GDAP1: variants seen among roughly 807,000 people sequenced by gnomAD.
GDAP1 encodes ganglioside induced differentiation associated protein 1, also known as ganglioside-induced differentiation-associated protein 1.
In GDAP1, 34 loss-of-function variants were observed where a neutral mutation model predicts 40.1. The ratio of observed to expected loss-of-function variants is 0.85; its 90% confidence interval spans 0.64 to 1.13. The LOEUF (loss-of-function observed/expected upper bound fraction) is 1.13. Among genes scored for constraint, GDAP1 ranks in the 50% most tolerant of loss-of-function variants. GDAP1 has a pLI of 0.00. For synonymous variants in GDAP1, 170 were observed against 157.4 expected, an observed-to-expected ratio of 1.08 and a Z score of -0.60; for missense variants, 374 against 433.7, an observed-to-expected ratio of 0.86 and a Z score of 1.22.
intron 2 of GDAP1, among the ~76,000 whole-genome samples, chr8:74,450,204 T>C (rs1050882062): frequency 6.6e-6 from 1 of 151,802 alleles, no homozygotes; most frequent in Non-Finnish European, 1.5e-5. Flanking sequence ...TAACGTGTTC[T>C]GTAAGATTTT....
chr8:74,456,956 C>T (rs1424286030), intron 2 of GDAP1, among the ~76,000 whole-genome samples: 1 of 151,984 alleles, frequency 6.6e-6, no homozygotes, highest in Non-Finnish European at 1.5e-5. Context: ...TTCCTTTAGC[C>T]AACTCCAGGA....
intron 2 of GDAP1, among the ~76,000 whole-genome samples, chr8:74,437,076 G>C (rs1270262215): frequency 6.6e-6 from 1 of 152,078 alleles, no homozygotes; most frequent in Non-Finnish European, 1.5e-5. Flanking sequence ...CAAACACAGA[G>C]GTGAACAACT....
chr8:74,351,025 A>AG (rs1296174061), intron 1 of GDAP1, among the ~76,000 whole-genome samples: 1 of 152,144 alleles, frequency 6.6e-6, no homozygotes, highest in Non-Finnish European at 1.5e-5. Flanking sequence ...AGAAAGTGGT[A>AG]GTGATGAGGA....
chr8:74,351,497 A>C (rs1263798170), intron 2 of GDAP1, 31 bp downstream of exon 2: 1 of 1,461,710 alleles, frequency 6.8e-7, no homozygotes, highest in Admixed American at 1.7e-5. Context: ...GATTTCTTGG[A>C]TTTACTTTCA....
chr8:74,434,091 T>G (rs1476520630), intron 2 of GDAP1, among the ~76,000 whole-genome samples: 1 of 152,184 alleles, frequency 6.6e-6, no homozygotes, highest in African/African-American at 2.4e-5. Flanking sequence ...ACTGAGTCAT[T>G]CTAGCAAATT....
intron 2 of GDAP1, among the ~76,000 whole-genome samples, chr8:74,446,246 G>A (rs1806225050): frequency 6.6e-6 from 1 of 152,124 alleles, no homozygotes; most frequent in Non-Finnish European, 1.5e-5. Flanking sequence ...TAAATAGCAT[G>A]GAAAAAGCCC....
chr8:74,444,144 A>G (rs1176349404), intron 2 of GDAP1, among the ~76,000 whole-genome samples: 2 of 151,628 alleles, frequency 1.3e-5, no homozygotes, highest in African/African-American at 2.4e-5. Context: ...AAAACAGCCA[A>G]CTGTCCATGG....
At chr8:74,402,431 G>A (rs1478515496) in intron 2 of GDAP1, among the ~76,000 whole-genome samples, 2 of 150,366 alleles carry the variant, frequency 1.3e-5, no homozygotes, top group East Asian at 1.9e-4. Context: ...GGGTGTGAGT[G>A]ACCCGATTTT....
chr8:74,402,270 C>G (rs1436431968), intron 2 of GDAP1, among the ~76,000 whole-genome samples: 1 of 150,436 alleles, frequency 6.6e-6, no homozygotes, highest in Non-Finnish European at 1.5e-5. Flanking sequence ...GGGCGCCCCT[C>G]CCCCAGCCTC....
At chr8:74,473,082 TA>T (rs1256686001) in intron 2 of GDAP1, among the ~76,000 whole-genome samples, 79 of 49,108 alleles carry the variant, frequency 1.6e-3, no homozygotes, top group African/African-American at 0.012. Flanking sequence ...TGGCTGCATG[TA>T]TTTTTTTTTT....
At chr8:74,460,809 G>A (rs1160710949) in intron 2 of GDAP1, among the ~76,000 whole-genome samples, 1 of 152,106 alleles carries the variant, frequency 6.6e-6, no homozygotes, top group Non-Finnish European at 1.5e-5. Flanking sequence ...GAGAATGAGA[G>A]AGAGGAGGAG....
At chr8:74,441,042 T>G (rs1806156405) in intron 2 of GDAP1, among the ~76,000 whole-genome samples, 2 of 152,144 alleles carry the variant, frequency 1.3e-5, no homozygotes. Flanking sequence ...TTAGCTAGTC[T>G]TTAAAGTATC....
intron 2 of GDAP1, among the ~76,000 whole-genome samples, chr8:74,402,596 A>G (rs995877364): frequency 3.3e-5 from 5 of 150,110 alleles, no homozygotes; most frequent in Non-Finnish European, 5.9e-5. Context: ...CCCTAGTGAG[A>G]TGAACCTGGT....
chr8:74,473,603 T>C (rs908612502), intron 2 of GDAP1, among the ~76,000 whole-genome samples: 4 of 152,180 alleles, frequency 2.6e-5, no homozygotes, highest in African/African-American at 9.7e-5. Context: ...GATCAGATGG[T>C]TATAGGTGTA....
intron 2 of GDAP1, among the ~76,000 whole-genome samples, chr8:74,373,323 A>G (rs1304874893): frequency 3.3e-5 from 5 of 152,224 alleles, no homozygotes; most frequent in Non-Finnish European, 5.9e-5. Flanking sequence ...TGGGGATGGC[A>G]TTGAATCTAT....
intron 2 of GDAP1, among the ~76,000 whole-genome samples, chr8:74,399,478 T>G (rs1454536937): frequency 2.0e-5 from 3 of 148,744 alleles, no homozygotes; most frequent in African/African-American, 5.2e-5. Context: ...CTATCAATTT[T>G]GTTGATCCTT....
intron 2 of GDAP1, among the ~76,000 whole-genome samples, chr8:74,390,707 C>A (rs768734561): frequency 3.9e-5 from 6 of 152,198 alleles, no homozygotes; most frequent in African/African-American, 1.2e-4. Flanking sequence ...AGAGCTTGAG[C>A]GCTGTCCTAG....
chr8:74,390,040 A>G (rs950674017), intron 2 of GDAP1, among the ~76,000 whole-genome samples: 1 of 152,108 alleles, frequency 6.6e-6, no homozygotes, highest in Admixed American at 6.5e-5. Context: ...CATGTCATTT[A>G]TGTTCTTCTC....
intron 2 of GDAP1, among the ~76,000 whole-genome samples, chr8:74,424,494 A>G (rs1805923320): frequency 6.6e-6 from 1 of 152,198 alleles, no homozygotes. Context: ...ACATGACAAT[A>G]TTGACTTCTA....
Sources: allele counts gnomAD v4.1 joint callset (sites outside exome capture counted in the v4.1 genomes callset), GRCh38; gene constraint gnomAD v4.1.1; transcripts MANE v1.5; gene names NCBI Gene and HGNC (gene_info 2026-07-23, HGNC 2026-07-21).